Variants in WBP1L observed in about 807,000 individuals in gnomAD.
WBP1L encodes the protein WW domain binding protein 1 like.
WBP1L carries 17 observed loss-of-function variants against 33.7 expected under a neutral mutation model. The observed-to-expected ratio is 0.50, with a 90% CI of 0.34 to 0.76. The LOEUF is 0.76. Ranked by LOEUF, WBP1L falls within the 30% of genes least tolerant of loss-of-function variation. WBP1L has a pLI of 0.01. For missense variants in WBP1L, 389 were observed against 469.4 expected, an observed-to-expected ratio of 0.83 and a Z score of 1.58; for synonymous variants, 173 against 190.8, an observed-to-expected ratio of 0.91 and a Z score of 0.77.
chr10:102,802,200 G>A (rs955969235), intron 2 of WBP1L, among the ~76,000 whole-genome samples: 2 of 144,592 alleles, frequency 1.4e-5, no homozygotes, highest in Non-Finnish European at 3.0e-5. Flanking sequence ...GGAGTGTAGT[G>A]GTATGATCTT....
At chr10:102,776,349 A>G in intron 1 of WBP1L, 1 of 1,614,080 alleles carries the variant, frequency 6.2e-7, no homozygotes, top group Non-Finnish European at 8.5e-7. Flanking sequence ...AACTTTTAAG[A>G]GCCCTTTGTT....
intron 2 of WBP1L, among the ~76,000 whole-genome samples, chr10:102,803,765 C>G (rs182271663): frequency 1.3e-5 from 2 of 152,040 alleles, no homozygotes; most frequent in Non-Finnish European, 2.9e-5. Flanking sequence ...CCTGCCACTA[C>G]GCCCAGCTAA....
chr10:102,776,863 G>A (rs1411911233), intron 1 of WBP1L, among the ~76,000 whole-genome samples: 4 of 152,052 alleles, frequency 2.6e-5, no homozygotes, highest in East Asian at 1.9e-4. Flanking sequence ...TGAGGGCTCC[G>A]TTCTTCTTTT....
intron 1 of WBP1L, among the ~76,000 whole-genome samples, chr10:102,752,315 A>G (rs1471809481): frequency 6.6e-6 from 1 of 152,158 alleles, no homozygotes; most frequent in African/African-American, 2.4e-5. Flanking sequence ...GCTTGGGGTC[A>G]GCTTTCTTGC....
chr10:102,784,127 G>T (rs1305429904), intron 1 of WBP1L, among the ~76,000 whole-genome samples: 4 of 152,058 alleles, frequency 2.6e-5, no homozygotes, highest in African/African-American at 9.7e-5. Flanking sequence ...TGAAAAGTCG[G>T]ATGGAACTGA....
chr10:102,813,326 A>G lies in WBP1L; in HGVS notation c.1087A>G (p.Ser363Gly). The change falls in exon 4 of 4, where the codon AGC becomes GGC. Residue 363 changes from serine to glycine, a missense_variant. By Grantham distance (56) the Ser-to-Gly change is moderately conservative. Coordinates refer to ENST00000448841, the MANE Select transcript of WBP1L (RefSeq NM_001083913.2). ...SPNSQSSSSP[S>G] ...CAACTCCCAGAGCAGCAGCTCCCCC[A>G]GCTAGAGCAGGTCCTGCCAGCACCC... 6.2e-7 allele frequency: 1 copy of G among 1,605,796 alleles called. No homozygotes were observed. The highest frequency in any genetic ancestry group is 8.5e-7 in the Non-Finnish European group (1 of 1,175,086).
Position 102,751,359 on chromosome 10 carries a change from C to T in WBP1L, c.90+7216C>T, listed in dbSNP as rs185400142. On this transcript the variant is annotated intron_variant, in intron 1 of 3. Coordinates refer to ENST00000448841, the MANE Select transcript of WBP1L (RefSeq NM_001083913.2). ...TTGAGACACGATCTCCCTCTGTTGC[C>T]CAGGCTGAAGTGCAGTGGTGCAATC... 1.9e-3 allele frequency among the ~76,000 whole-genome samples: 281 copies of T among 151,412 alleles called. 2 individuals carry two copies. The highest frequency in any genetic ancestry group is 6.6e-3 in the African/African-American group (272 of 41,234).
intron 2 of WBP1L, chr10:102,803,953 C>G (rs980150956): frequency 6.6e-6 from 1 of 151,934 alleles, no homozygotes; most frequent in East Asian, 1.9e-4. Context: ...AGCACCTATA[C>G]TAAAATTGGA....
chr10:102,794,295 A>T (rs1043035358), intron 1 of WBP1L, among the ~76,000 whole-genome samples: 24 of 152,112 alleles, frequency 1.6e-4, no homozygotes, highest in African/African-American at 4.6e-4. Flanking sequence ...TGGAAAGGGG[A>T]TGGGGAGGAT....
chr10:102,808,764 CT>C (rs1843779181), intron 2 of WBP1L, among the ~76,000 whole-genome samples: 1 of 152,172 alleles, frequency 6.6e-6, no homozygotes, highest in African/African-American at 2.4e-5. Flanking sequence ...AGAAAAGCAC[CT>C]GATTTTTTTG....
At position 102,743,979 on chromosome 10, in the gene WBP1L, A is replaced by G; in HGVS notation, c.-75A>G. On this transcript the variant is annotated 5_prime_UTR_variant, in exon 1 of 4. Coordinates refer to ENST00000448841, the MANE Select transcript of WBP1L (RefSeq NM_001083913.2). Reference sequence around the variant, plus strand: ...CAGGAAAAGAAGGGAAGAAGGAAGAAGAGGGTAGAGGAGGAGAGGGAGGAG... The same window carrying G: ...CAGGAAAAGAAGGGAAGAAGGAAGAGGAGGGTAGAGGAGGAGAGGGAGGAG... 5 of 1,105,774 alleles carry G rather than the reference A, an allele frequency of 4.5e-6. No homozygotes were observed. Among genetic ancestry groups the G allele is most frequent in the Non-Finnish European group, 6.5e-6 (5 of 763,522 alleles). 68.5% of individuals were successfully genotyped at this position (1,105,774 alleles called of 1,614,324 possible). A position where few individuals can be genotyped will look rare whatever the true frequency, so the allele number is the denominator to read the frequency against.
chr10:102,794,830 C>T (rs1843552494), intron 1 of WBP1L, among the ~76,000 whole-genome samples: 1 of 152,166 alleles, frequency 6.6e-6, no homozygotes, highest in Non-Finnish European at 1.5e-5. Flanking sequence ...TTGACTGACA[C>T]CAGCATGTCT....
chr10:102,756,182 G>A (rs879854355), intron 1 of WBP1L, among the ~76,000 whole-genome samples: 4 of 152,152 alleles, frequency 2.6e-5, no homozygotes, highest in Non-Finnish European at 5.9e-5. Context: ...GGAGGCCAAG[G>A]CGGGTGGATC....
chr10:102,809,913 A>G lies in WBP1L; in HGVS notation c.214A>G (p.Ile72Val). The change falls in exon 3 of 4, where the codon ATC (isoleucine) becomes GTC (valine). Residue 72 changes from isoleucine (I) to valine (V), a missense_variant. Ile to Val is a conservative substitution (Grantham distance 29, BLOSUM62 3). Coordinates refer to ENST00000448841, the MANE Select transcript of WBP1L (RefSeq NM_001083913.2). ...CCCAGGGTTCTGGCTGGTGTGGACC[A>G]TCATCATCATCCTGAGCTGCTGCTG... is the stretch of plus-strand genomic sequence containing the variant. ...ELWWFWLVWT[I>V]IIILSCCCVC... The G allele has an allele frequency of 1.2e-6, 2 of 1,611,532 alleles. No homozygotes were observed. Among genetic ancestry groups the G allele is most frequent in the Non-Finnish European group, 1.7e-6 (2 of 1,178,798 alleles).
chr10:102,770,390 C>G (rs538286173), intron 1 of WBP1L, among the ~76,000 whole-genome samples: 1 of 152,286 alleles, frequency 6.6e-6, no homozygotes, highest in Admixed American at 6.5e-5. Flanking sequence ...AATGGCCTTA[C>G]GCCTGGAGAT....
At chr10:102,775,656 T>C (rs1423662121) in intron 1 of WBP1L, among the ~76,000 whole-genome samples, 1 of 152,210 alleles carries the variant, frequency 6.6e-6, no homozygotes, top group African/African-American at 2.4e-5. Flanking sequence ...TAGCGTGTCG[T>C]ACCTTAGCTG....
intron 3 of WBP1L, among the ~76,000 whole-genome samples, chr10:102,812,329 A>G (rs893780342): frequency 1.3e-5 from 2 of 152,208 alleles, no homozygotes; most frequent in African/African-American, 4.8e-5. Context: ...CTTAACTCCC[A>G]ACAGGCGTGA....
rs1360707250 is a variant in WBP1L at position 102,797,788 on chromosome 10, C to T, written c.91-205C>T. Among the ~76,000 whole-genome samples the T allele has an allele frequency of 3.9e-5, 6 of 151,984 alleles. No individual in the cohort carries two copies. In the East Asian group the frequency reaches 5.8e-4, roughly 15 times the overall value. On this transcript the variant is annotated intron_variant, in intron 1 of 3. Transcript: ENST00000448841. Reference sequence around the variant, plus strand: ...GGCTGGTCTCGAACTCCTGACCTCGCGATCTGCCTGCCTCGGCCTCCCAAA... The same window carrying T: ...GGCTGGTCTCGAACTCCTGACCTCGTGATCTGCCTGCCTCGGCCTCCCAAA...
rs1160152239 is a variant in WBP1L, at chr10:102,788,359, T to TCACC, written c.91-9634_91-9633insCACC. Among the ~76,000 whole-genome samples the TCACC allele has an allele frequency of 2.6e-5, 4 of 151,990 alleles. No homozygotes were observed. In the East Asian group the frequency reaches 7.9e-4, roughly 30 times the overall value. On this transcript the variant is annotated intron_variant, in intron 1 of 3. Coordinates refer to ENST00000448841, the MANE Select transcript of WBP1L (RefSeq NM_001083913.2). ...TCTCCTGATCTCATGATCCGCCTGTTTCGGCCTCCCAAAGTGCTGGGATTA... is the reference window on the plus strand; with the variant it reads ...TCTCCTGATCTCATGATCCGCCTGTTCACCTCGGCCTCCCAAAGTGCTGGGATTA...
Sources: allele counts gnomAD v4.1 joint callset (sites outside exome capture counted in the v4.1 genomes callset), GRCh38; gene constraint gnomAD v4.1.1; transcripts MANE v1.5; gene names NCBI Gene and HGNC (gene_info 2026-07-23, HGNC 2026-07-21).